Variants in VSTM5 observed in about 807,000 individuals in gnomAD.
VSTM5 encodes V-set and transmembrane domain-containing protein 5.
A neutral mutation model predicts 20.3 loss-of-function variants in VSTM5; 21 were observed. That is an observed-to-expected ratio of 1.03 (90% CI 0.73 to 1.49). VSTM5 has a LOEUF of 1.49. VSTM5 is among the 40% of genes most tolerant of loss of function. The pLI is 0.00. For missense variants in VSTM5, 219 were observed against 250.0 expected (o/e 0.88, Z 0.84); for synonymous variants, 100 against 102.5 (o/e 0.98, Z 0.14).
chr11:93,843,025 A>C (rs1463801098), intron 1 of VSTM5, among the ~76,000 whole-genome samples: 1 of 151,914 alleles, frequency 6.6e-6, no homozygotes, highest in Non-Finnish European at 1.5e-5. Context: ...TGGGAGGCGG[A>C]GGTTGCAGTC....
At chr11:93,846,192 A>G (rs569485650) in intron 1 of VSTM5, among the ~76,000 whole-genome samples, 1 of 4,282 alleles carries the variant, frequency 2.3e-4, no homozygotes, top group South Asian at 0.023. Flanking sequence ...TTCTGACTTT[A>G]GATATAGTAA....
intron 1 of VSTM5, among the ~76,000 whole-genome samples, chr11:93,831,237 C>G (rs1219038556): frequency 6.6e-6 from 1 of 152,068 alleles, no homozygotes; most frequent in Non-Finnish European, 1.5e-5. Context: ...CCATGGTGTT[C>G]AGGCAGGTCT....
Position 93,820,554 on chromosome 11 carries a change from C to A in VSTM5, c.*15G>T. 6.4e-7 allele frequency: 1 copy of A among 1,551,798 alleles called. No homozygotes were observed. The highest frequency in any genetic ancestry group is 1.2e-5 in the South Asian group (1 of 83,992). ...TTTCCTCTTGAGGTAGGAATGCAGTCAGGCCCAGCCTTGGCTAACACTCAA... is the reference window on the plus strand; with the variant it reads ...TTTCCTCTTGAGGTAGGAATGCAGTAAGGCCCAGCCTTGGCTAACACTCAA... On this transcript the variant is annotated 3_prime_UTR_variant, in exon 4 of 4. Transcript: ENST00000409977.
chr11:93,847,102 C>CT (rs1057387745), intron 1 of VSTM5, among the ~76,000 whole-genome samples: 39 of 152,188 alleles, frequency 2.6e-4, no homozygotes, highest in African/African-American at 9.2e-4. Flanking sequence ...TGGAAACTCA[C>CT]TTTTTTTCCA....
rs1263269670 is a variant in VSTM5 at position 93,821,064 on chromosome 11, G to C, written c.351C>G (p.Tyr117Ter). The C allele has an allele frequency of 6.4e-7, 1 of 1,551,756 alleles. No homozygotes were observed. The highest frequency in any genetic ancestry group is 8.7e-7 in the Non-Finnish European group (1 of 1,147,018). ...GGCGCTCCGTCACGGTGATGACATA[G>C]TAGCCGGAATCCCTCACTCCCACGC... ...LFSVGVRDSG[Y>*]YVITVTERLG... Residue 117 changes from tyrosine (Y) to a stop codon, truncating the protein, a stop_gained, in exon 2 of 4, where the codon TAC becomes TAG. Transcript: ENST00000409977. LOFTEE classifies it high-confidence loss of function.
At chr11:93,841,926 G>C (rs1944373513) in intron 1 of VSTM5, among the ~76,000 whole-genome samples, 1 of 152,228 alleles carries the variant, frequency 6.6e-6, no homozygotes, top group African/African-American at 2.4e-5. Context: ...TCTAGAGTCA[G>C]ACTAACTGGT....
At chr11:93,843,329 T>A (rs1944386154) in intron 1 of VSTM5, among the ~76,000 whole-genome samples, 1 of 152,150 alleles carries the variant, frequency 6.6e-6, no homozygotes, top group East Asian at 1.9e-4. Flanking sequence ...TTGTAATTCC[T>A]CTTGATGAAT....
rs911890131 is a variant in VSTM5 at position 93,821,042 on chromosome 11, G to T, written c.373C>A (p.Arg125Ser). Reference sequence around the variant, plus strand: ...GTGCCAAACTGGCTGCTCCCCAGGCGCTCCGTCACGGTGATGACATAGTAG... The same window carrying T: ...GTGCCAAACTGGCTGCTCCCCAGGCTCTCCGTCACGGTGATGACATAGTAG... ...SGYYVITVTE[R>S]LGSSQFGTIV... is the part of the protein sequence containing the mutation. The change falls in exon 2 of 4, where the codon CGC becomes AGC. Residue 125 changes from arginine (R) to serine (S), a missense_variant. Coordinates refer to ENST00000409977, the MANE Select transcript of VSTM5 (RefSeq NM_001144871.2). 4 of 1,551,694 alleles carry T rather than the reference G, an allele frequency of 2.6e-6. No homozygotes were observed. The highest frequency in any genetic ancestry group is 3.9e-5 in the Admixed American group (2 of 51,008).
chr11:93,850,318 G>T, intron 1 of VSTM5, 94 bp downstream of exon 1: 1 of 1,124,434 alleles, frequency 8.9e-7, no homozygotes, highest in Non-Finnish European at 1.3e-6. Flanking sequence ...GGTGGGCGAG[G>T]GCCAGGGGGG....
intron 1 of VSTM5, among the ~76,000 whole-genome samples, chr11:93,823,083 A>G (rs1369661682): frequency 6.6e-6 from 1 of 152,206 alleles, no homozygotes; most frequent in Non-Finnish European, 1.5e-5. Flanking sequence ...CTGCAAAACT[A>G]AAAAATAAAT....
rs548575466 is a variant in VSTM5, at chr11:93,846,828, A to G, written c.91+3584T>C. Among the ~76,000 whole-genome samples, 8 of 145,368 alleles carry G rather than the reference A, an allele frequency of 5.5e-5. No individual in the cohort carries two copies. In the South Asian group the frequency reaches 1.7e-3, roughly 31 times the overall value. On this transcript the variant is annotated intron_variant, in intron 1 of 3. Transcript: ENST00000409977. Reference sequence around the variant, plus strand: ...TGTCACCAGGCTGGAGGGCAGTGGCATGATCTCGGCTCACTGCAACCTCTG... The same window carrying G: ...TGTCACCAGGCTGGAGGGCAGTGGCGTGATCTCGGCTCACTGCAACCTCTG...
chr11:93,825,937 A>T (rs186178338), intron 1 of VSTM5, among the ~76,000 whole-genome samples: 2,440 of 122,110 alleles, frequency 0.02, 55 homozygotes, highest in African/African-American at 0.064. Context: ...AGTTGATTTT[A>T]AAAAAAAAAG....
intron 1 of VSTM5, among the ~76,000 whole-genome samples, chr11:93,823,718 TTTC>T (rs1166922370): frequency 6.6e-6 from 1 of 152,198 alleles, no homozygotes. Context: ...ATGGCAGGAT[TTTC>T]TTCTTCATAT....
chr11:93,850,180 C>T (rs1047259048), intron 1 of VSTM5, among the ~76,000 whole-genome samples: 1 of 152,056 alleles, frequency 6.6e-6, no homozygotes, highest in East Asian at 1.9e-4. Context: ...GCGCCGCGGC[C>T]GGTAGCCTCT....
At chr11:93,825,671 C>T (rs1215273977) in intron 1 of VSTM5, among the ~76,000 whole-genome samples, 1 of 151,388 alleles carries the variant, frequency 6.6e-6, no homozygotes, top group African/African-American at 2.4e-5. Context: ...TTCTCGCCTT[C>T]TTTGTAAATT....
chr11:93,837,875 T>C (rs1386215235), intron 1 of VSTM5, among the ~76,000 whole-genome samples: 2 of 152,108 alleles, frequency 1.3e-5, no homozygotes. Context: ...ACAGGTAAGC[T>C]GCTTCTCTGA....
rs1944151474 is a variant in VSTM5, at chr11:93,818,615, T to A, written c.*1954A>T. The A allele has an allele frequency of 6.6e-6, 1 of 151,612 alleles. No individual in the cohort carries two copies. The highest frequency in any genetic ancestry group is 1.5e-5 in the Non-Finnish European group (1 of 67,986). 9.4% of individuals were successfully genotyped at this position (151,612 alleles called of 1,614,324 possible). A position where few individuals can be genotyped will look rare whatever the true frequency, so the allele number is the denominator to read the frequency against. On this transcript the variant is annotated 3_prime_UTR_variant, in exon 4 of 4. Transcript: ENST00000409977. ...CCAACTCCCCTTTGATTATGAAGATTGCCAGCCCTGACTTCGGGACAAGCG... is the reference window on the plus strand; with the variant it reads ...CCAACTCCCCTTTGATTATGAAGATAGCCAGCCCTGACTTCGGGACAAGCG...
At chr11:93,844,263 T>C (rs1944394900) in intron 1 of VSTM5, among the ~76,000 whole-genome samples, 1 of 152,216 alleles carries the variant, frequency 6.6e-6, no homozygotes, top group Non-Finnish European at 1.5e-5. Context: ...TCTGGTGTTC[T>C]GCTTTGAGGC....
chr11:93,835,872 G>A (rs1346658151), intron 1 of VSTM5, among the ~76,000 whole-genome samples: 1 of 152,198 alleles, frequency 6.6e-6, no homozygotes, highest in African/African-American at 2.4e-5. Context: ...GGACAAGACA[G>A]GGAGGCTTTT....
Sources: allele counts gnomAD v4.1 joint callset (sites outside exome capture counted in the v4.1 genomes callset), GRCh38; gene constraint gnomAD v4.1.1; transcripts MANE v1.5; gene names NCBI Gene and HGNC (gene_info 2026-07-23, HGNC 2026-07-21).